TNFSF4: variants seen among roughly 807,000 people sequenced by gnomAD.
The protein encoded by TNFSF4 is TNF superfamily member 4.
In TNFSF4, 4 loss-of-function variants were observed where a neutral mutation model predicts 7.3. The ratio of observed to expected loss-of-function variants is 0.55; its 90% confidence interval spans 0.27 to 1.25. The LOEUF is 1.25. TNFSF4 is among the 50% of genes most tolerant of loss of function. The pLI is 0.12. For missense variants in TNFSF4, 181 were observed against 208.8 expected (o/e 0.87, Z 0.82); for synonymous variants, 76 against 83.7 (o/e 0.91, Z 0.50).
the TNFSF4 span, among the ~76,000 whole-genome samples, chr1:173,397,385 C>G: frequency 1.3e-4 from 20 of 152,222 alleles, no homozygotes; most frequent in African/African-American, 4.8e-4. Flanking sequence ...ACCAAAGCAA[C>G]TGTACATTGG....
At chr1:173,302,179 T>C in the TNFSF4 span, among the ~76,000 whole-genome samples, 1 of 151,902 alleles carries the variant, frequency 6.6e-6, no homozygotes, top group Non-Finnish European at 1.5e-5. Flanking sequence ...AATGCATTCA[T>C]AGGGCTGACA....
At chr1:173,249,874 A>G in the TNFSF4 span, among the ~76,000 whole-genome samples, 1 of 152,232 alleles carries the variant, frequency 6.6e-6, no homozygotes, top group Non-Finnish European at 1.5e-5. Context: ...CACAGTCAAC[A>G]CTTAATAAAT....
chr1:173,418,976 G>C, the TNFSF4 span, among the ~76,000 whole-genome samples: 1 of 152,210 alleles, frequency 6.6e-6, no homozygotes, highest in Non-Finnish European at 1.5e-5. Flanking sequence ...GCCTTTGAGA[G>C]GTAATTAAGA....
the TNFSF4 span, among the ~76,000 whole-genome samples, chr1:173,177,099 A>C: frequency 6.6e-6 from 1 of 152,170 alleles, no homozygotes; most frequent in African/African-American, 2.4e-5. Flanking sequence ...TAACAAACCC[A>C]CACATGTAGC....
chr1:173,361,599 C>CA, the TNFSF4 span, among the ~76,000 whole-genome samples: 9 of 149,458 alleles, frequency 6.0e-5, no homozygotes, highest in South Asian at 8.5e-4. Context: ...ACTCCATCTC[C>CA]AAAAAAAAAG....
the TNFSF4 span, among the ~76,000 whole-genome samples, chr1:173,220,372 C>T: frequency 1.3e-5 from 2 of 152,132 alleles, no homozygotes; most frequent in African/African-American, 4.8e-5. Context: ...TGCTCATTTG[C>T]ACATTTTTTC....
chr1:173,335,915 T>C, the TNFSF4 span, among the ~76,000 whole-genome samples: 1 of 152,200 alleles, frequency 6.6e-6, no homozygotes, highest in Non-Finnish European at 1.5e-5. Context: ...TGAACACTGG[T>C]TCTGAACTGA....
the TNFSF4 span, among the ~76,000 whole-genome samples, chr1:173,228,103 G>A: frequency 1.4e-4 from 22 of 152,214 alleles, no homozygotes; most frequent in African/African-American, 5.1e-4. Flanking sequence ...CATGGAGTTT[G>A]AGATCTGAGA....
the TNFSF4 span, among the ~76,000 whole-genome samples, chr1:173,428,510 T>C: frequency 2.0e-5 from 3 of 152,330 alleles, no homozygotes; most frequent in African/African-American, 4.8e-5. Context: ...AACTATAATA[T>C]GTGCAGCTGA....
At chr1:173,236,257 T>C in the TNFSF4 span, among the ~76,000 whole-genome samples, 1 of 152,150 alleles carries the variant, frequency 6.6e-6, no homozygotes, top group South Asian at 2.1e-4. Context: ...TTCTACAGAA[T>C]CAATTCCATC....
chr1:173,401,212 A>AT, the TNFSF4 span, among the ~76,000 whole-genome samples: 1 of 152,198 alleles, frequency 6.6e-6, no homozygotes, highest in East Asian at 1.9e-4. Flanking sequence ...AAGGTTATAC[A>AT]TTTTGTTGTC....
chr1:173,313,541 A>T, the TNFSF4 span, among the ~76,000 whole-genome samples: 1 of 152,138 alleles, frequency 6.6e-6, no homozygotes, highest in Non-Finnish European at 1.5e-5. Context: ...GATGCTGCAT[A>T]GCTCTGTTCT....
At chr1:173,338,523 C>G in the TNFSF4 span, among the ~76,000 whole-genome samples, 1 of 152,062 alleles carries the variant, frequency 6.6e-6, no homozygotes, top group Admixed American at 6.5e-5. Flanking sequence ...AGTTATAGCA[C>G]CAGCTAGGTA....
chr1:173,229,897 T>C, the TNFSF4 span, among the ~76,000 whole-genome samples: 2 of 152,072 alleles, frequency 1.3e-5, no homozygotes, highest in Non-Finnish European at 2.9e-5. Context: ...CTTAAATATA[T>C]ATGCACCCAA....
chr1:173,225,933 A>G, the TNFSF4 span, among the ~76,000 whole-genome samples: 1 of 152,352 alleles, frequency 6.6e-6, no homozygotes, highest in Admixed American at 6.5e-5. Context: ...ACTAGAAAAT[A>G]TAAAACAGGC....
the TNFSF4 span, among the ~76,000 whole-genome samples, chr1:173,366,024 G>T: frequency 2.0e-5 from 3 of 152,078 alleles, no homozygotes; most frequent in African/African-American, 4.8e-5. Flanking sequence ...ATACACTGTT[G>T]GTGGGAATGT....
At chr1:173,193,384 G>A (rs1649565252) in intron 1 of TNFSF4, among the ~76,000 whole-genome samples, 1 of 152,128 alleles carries the variant, frequency 6.6e-6, no homozygotes, top group South Asian at 2.1e-4. Flanking sequence ...ATCCATGCCA[G>A]AATTGAAGTA....
chr1:173,342,597 T>G, the TNFSF4 span, among the ~76,000 whole-genome samples: 2,814 of 152,286 alleles, frequency 0.018, 96 homozygotes, highest in African/African-American at 0.065. Flanking sequence ...CTGTTTTCTC[T>G]TATCAACTGC....
upstream of TNFSF4, among the ~76,000 whole-genome samples, chr1:173,209,060 C>G (rs1650293426): frequency 6.6e-6 from 1 of 152,152 alleles, no homozygotes; most frequent in Non-Finnish European, 1.5e-5. Flanking sequence ...AATCTTTGCA[C>G]AGAGTCATCT....
Sources: allele counts gnomAD v4.1 joint callset (sites outside exome capture counted in the v4.1 genomes callset), GRCh38; gene constraint gnomAD v4.1.1; transcripts MANE v1.5; gene names NCBI Gene and HGNC (gene_info 2026-07-23, HGNC 2026-07-21).